MAF: variants seen among roughly 807,000 people sequenced by gnomAD.
The protein encoded by MAF is transcription factor Maf.
Under a neutral mutation model 22.0 loss-of-function variants are expected in MAF, and 10 were observed. The observed-to-expected ratio is 0.45, with a 90% CI of 0.28 to 0.77. The LOEUF is 0.77. Among genes scored for constraint, MAF ranks in the 30% least tolerant of loss-of-function variants. The pLI is 0.12. For missense variants in MAF, 544 were observed against 548.4 expected (o/e 0.99, Z 0.08); for synonymous variants, 337 against 255.8 (o/e 1.32, Z -3.03).
the MAF span, among the ~76,000 whole-genome samples, chr16:79,432,171 T>G: frequency 2.0e-5 from 3 of 152,254 alleles, no homozygotes; most frequent in South Asian, 4.2e-4. Context: ...TCTCATGAGA[T>G]CTGATGGTTT....
At chr16:79,429,284 G>A in the MAF span, among the ~76,000 whole-genome samples, 1 of 152,136 alleles carries the variant, frequency 6.6e-6, no homozygotes, top group Admixed American at 6.5e-5. Flanking sequence ...CCCTGCCCAT[G>A]GGTCTGCTAC....
the MAF span, among the ~76,000 whole-genome samples, chr16:79,405,843 G>A: frequency 6.6e-6 from 1 of 152,298 alleles, no homozygotes; most frequent in African/African-American, 2.4e-5. Context: ...TTGGACTTCA[G>A]GTAGCAGATG....
At chr16:79,487,011 G>A in the MAF span, among the ~76,000 whole-genome samples, 3 of 152,056 alleles carry the variant, frequency 2.0e-5, no homozygotes, top group African/African-American at 7.2e-5. Context: ...GTTTTGACTT[G>A]GTGGTCGAGG....
the MAF span, among the ~76,000 whole-genome samples, chr16:79,455,498 G>A: frequency 9.2e-5 from 14 of 152,110 alleles, no homozygotes; most frequent in Non-Finnish European, 2.1e-4. Flanking sequence ...CGCACAAATG[G>A]CAAGGATGAG....
the MAF span, among the ~76,000 whole-genome samples, chr16:79,459,578 C>T: frequency 2.0e-5 from 3 of 147,252 alleles, no homozygotes; most frequent in African/African-American, 7.4e-5. Flanking sequence ...CTTATTCTCA[C>T]TTTTTTTTTT....
chr16:79,597,349 A>C, intron 1 of MAF: 4 of 1,039,258 alleles, frequency 3.8e-6, no homozygotes, highest in Non-Finnish European at 4.6e-6. Flanking sequence ...GACAATGACC[A>C]AAAGCCAAAA....
chr16:79,247,456 A>G, the MAF span, among the ~76,000 whole-genome samples: 3 of 152,148 alleles, frequency 2.0e-5, no homozygotes, highest in Admixed American at 1.3e-4. Flanking sequence ...CCCCCTCACC[A>G]GCTCACCCAG....
the MAF span, among the ~76,000 whole-genome samples, chr16:79,387,355 C>G: frequency 0.6 from 91,142 of 152,014 alleles, 29,242 homozygotes; most frequent in African/African-American, 0.81. Context: ...CTGTGTTTTT[C>G]ATATCTATTT....
chr16:79,596,919 T>A (rs1567564245), intron 1 of MAF: 4 of 1,050,142 alleles, frequency 3.8e-6, no homozygotes, highest in Non-Finnish European at 3.5e-6. Context: ...GCAGGTTATA[T>A]CTTAGTGCAA....
At chr16:79,212,862 G>A in the MAF span, 1 of 152,088 alleles carries the variant, frequency 6.6e-6, no homozygotes, top group Non-Finnish European at 1.5e-5. Flanking sequence ...GCTGTCCGTG[G>A]GCCAAGTTGT....
chr16:79,443,890 GGTAAAGCCACTT>G, the MAF span, among the ~76,000 whole-genome samples: 1 of 151,920 alleles, frequency 6.6e-6, no homozygotes. Context: ...TCCCGCAAAT[GGTAAAGCCACTT>G]GTGGTTGTTT....
the MAF span, among the ~76,000 whole-genome samples, chr16:79,561,707 G>C: frequency 6.6e-6 from 1 of 152,076 alleles, no homozygotes. Context: ...GTCTTGAGGA[G>C]AAGAAGAAAA....
At chr16:79,518,752 C>G in the MAF span, among the ~76,000 whole-genome samples, 1 of 152,116 alleles carries the variant, frequency 6.6e-6, no homozygotes, top group Non-Finnish European at 1.5e-5. Context: ...TGGAGAAACC[C>G]CATCTCTACT....
chr16:79,274,396 G>T, the MAF span, among the ~76,000 whole-genome samples: 1 of 152,184 alleles, frequency 6.6e-6, no homozygotes, highest in South Asian at 2.1e-4. Context: ...TTCAGGTTGC[G>T]CAATTCCAGG....
chr16:79,306,264 A>G, the MAF span, among the ~76,000 whole-genome samples: 5 of 152,220 alleles, frequency 3.3e-5, no homozygotes, highest in Non-Finnish European at 5.9e-5. Flanking sequence ...TGTGATGCAC[A>G]TGGCCATTTT....
At chr16:79,440,048 C>A in the MAF span, among the ~76,000 whole-genome samples, 1 of 152,204 alleles carries the variant, frequency 6.6e-6, no homozygotes, top group Non-Finnish European at 1.5e-5. Context: ...ATTCCTTTGG[C>A]TCAGTTCTAT....
chr16:79,503,172 C>T, the MAF span, among the ~76,000 whole-genome samples: 1 of 151,950 alleles, frequency 6.6e-6, no homozygotes, highest in African/African-American at 2.4e-5. Context: ...TGAAGAATGC[C>T]CAAGATTTTA....
the MAF span, among the ~76,000 whole-genome samples, chr16:79,354,055 G>A: frequency 5.3e-5 from 8 of 152,038 alleles, no homozygotes; most frequent in African/African-American, 1.9e-4. Context: ...GAGTGCAGTG[G>A]TGCCATCACG....
At chr16:79,210,012 C>A in the MAF span, among the ~76,000 whole-genome samples, 1 of 152,162 alleles carries the variant, frequency 6.6e-6, no homozygotes, top group Non-Finnish European at 1.5e-5. Flanking sequence ...GGGGAGGTAA[C>A]AAACCAGCTA....
Sources: gnomAD v4.1 joint callset for allele counts (sites outside exome capture counted in the v4.1 genomes callset) on GRCh38, gnomAD v4.1.1 for gene constraint, MANE v1.5 for transcripts, NCBI Gene and HGNC (gene_info 2026-07-23, HGNC 2026-07-21) for gene names.